ADGRV1: variants seen among roughly 807,000 people sequenced by gnomAD.
The protein encoded by ADGRV1 is adhesion G protein-coupled receptor V1, also known as G-protein coupled receptor 98.
In ADGRV1, 359 loss-of-function variants were observed where a neutral mutation model predicts 596.2. That is an observed-to-expected ratio of 0.60 (90% CI 0.55 to 0.66). ADGRV1 has a LOEUF of 0.66. Among genes scored for constraint, ADGRV1 ranks in the 30% least tolerant of loss-of-function variants. ADGRV1 has a pLI of 0.00. For synonymous variants in ADGRV1, 2,681 were observed against 2,679.2 expected, an observed-to-expected ratio of 1.00 and a Z score of -0.02; for missense variants, 7,274 against 7,575.6, an observed-to-expected ratio of 0.96 and a Z score of 1.48.
chr5:90,725,239 AC>A lies in ADGRV1; in HGVS notation c.10053+8del, dbSNP rs2149796279. The A allele has an allele frequency of 7.3e-7, 1 of 1,370,976 alleles. No homozygotes were observed. The allele number at this position is 1,370,976 out of a possible 1,614,324, so 84.9% of individuals were successfully genotyped here. A position where few individuals can be genotyped will look rare whatever the true frequency, so the allele number is the denominator to read the frequency against. On this transcript the variant is annotated splice_region_variant and intron_variant, in intron 47 of 89. Coordinates refer to ENST00000405460, the MANE Select transcript of ADGRV1 (RefSeq NM_032119.4). ...TGGATTTAAATTATTCCTGGTAAAAACATTTTCATTTTTAAATAGATTACTT... is the reference window on the plus strand; with the variant it reads ...TGGATTTAAATTATTCCTGGTAAAAAATTTTCATTTTTAAATAGATTACTT...
At chr5:91,042,140 C>G (rs1858070) in intron 85 of ADGRV1, among the ~76,000 whole-genome samples, 54,602 of 151,978 alleles carry the variant, frequency 0.36, 9,961 homozygotes, top group East Asian at 0.51. Context: ...AAAATCTCCC[C>G]AAGCCCTGCC....
chr5:90,935,263 T>C (rs752848038), intron 83 of ADGRV1, among the ~76,000 whole-genome samples: 1 of 152,226 alleles, frequency 6.6e-6, no homozygotes, highest in African/African-American at 2.4e-5. Context: ...GCTCTAATGT[T>C]TGTCAAAACA....
intron 84 of ADGRV1, among the ~76,000 whole-genome samples, chr5:90,976,346 A>ATG (rs1779611012): frequency 5.5e-5 from 8 of 144,646 alleles, no homozygotes; most frequent in Admixed American, 7.0e-5. Context: ...ATATATATAT[A>ATG]TATGTATATG....
chr5:90,563,225 G>A (rs1755091962), intron 1 of ADGRV1, among the ~76,000 whole-genome samples: 1 of 152,262 alleles, frequency 6.6e-6, no homozygotes, highest in South Asian at 2.1e-4. Context: ...TCTGTCTTCA[G>A]TTTTGCTGAA....
intron 52 of ADGRV1, among the ~76,000 whole-genome samples, chr5:90,750,058 G>A (rs767818170): frequency 1.6e-4 from 24 of 152,056 alleles, no homozygotes; most frequent in Admixed American, 2.6e-4. Flanking sequence ...TCATGACATC[G>A]TTGTGCATGG....
Position 90,971,972 on chromosome 5 carries a change from A to T in ADGRV1, c.17973+6441A>T, listed in dbSNP as rs568939911. The stretch of plus-strand genomic sequence containing the variant: ...CAGGAGACCCATCTCATGGGCAGAG[A>T]CACACATAGGCTAAAAATAAAGGGA... On this transcript the variant is annotated intron_variant, in intron 84 of 89. Transcript: ENST00000405460. 9.2e-5 allele frequency among the ~76,000 whole-genome samples: 14 copies of T among 152,316 alleles called. No homozygotes were observed. The South Asian group carries it at 1.9e-3, about 20-fold the overall frequency.
chr5:90,787,995 C>T, intron 67 of ADGRV1, 76 bp from the exon 68 acceptor site: 1 of 1,036,794 alleles, frequency 9.6e-7, no homozygotes, highest in Non-Finnish European at 1.3e-6. Context: ...TTTCTTAATA[C>T]TAGATACCCT....
At chr5:90,990,672 G>C (rs930745091) in intron 85 of ADGRV1, among the ~76,000 whole-genome samples, 8 of 152,128 alleles carry the variant, frequency 5.3e-5, no homozygotes, top group African/African-American at 1.2e-4. Context: ...TATATTTATC[G>C]CTTTTGAAAT....
chr5:90,591,402 A>AATAT (rs1554054367), intron 1 of ADGRV1, among the ~76,000 whole-genome samples: 2 of 151,644 alleles, frequency 1.3e-5, no homozygotes, highest in Admixed American at 1.3e-4. Flanking sequence ...TCTCAAAAAA[A>AATAT]ATATATATAT....
At chr5:90,661,968 C>T (rs1284339307) in intron 21 of ADGRV1, among the ~76,000 whole-genome samples, 3 of 152,218 alleles carry the variant, frequency 2.0e-5, no homozygotes. Flanking sequence ...ATGCTTATTA[C>T]TGGACATTAT....
intron 74 of ADGRV1, among the ~76,000 whole-genome samples, chr5:90,813,780 G>A (rs544998562): frequency 4.6e-5 from 7 of 151,942 alleles, no homozygotes; most frequent in South Asian, 2.1e-4. Context: ...TCACTTAACC[G>A]GATAATTAAT....
At chr5:91,135,906 G>A (rs547797718) in intron 87 of ADGRV1, among the ~76,000 whole-genome samples, 46 of 152,314 alleles carry the variant, frequency 3.0e-4, no homozygotes, top group African/African-American at 1.0e-3. Flanking sequence ...TCTCCACACC[G>A]TGGAGGAAGT....
chr5:91,005,160 A>G (rs896216227), intron 85 of ADGRV1, among the ~76,000 whole-genome samples: 3 of 152,160 alleles, frequency 2.0e-5, no homozygotes, highest in African/African-American at 7.2e-5. Context: ...AATGCTCAAA[A>G]AACTATTTGG....
chr5:90,958,596 G>A (rs546102327), intron 83 of ADGRV1, among the ~76,000 whole-genome samples: 64 of 152,226 alleles, frequency 4.2e-4, no homozygotes, highest in Admixed American at 7.8e-4. Context: ...GGTGTCTTCA[G>A]GGTTGACTTC....
rs762399659 is a variant in ADGRV1, at chr5:90,728,717, G to A, written c.10210G>A (p.Val3404Ile). The change falls in exon 49 of 90, where the codon GTC becomes ATC. Residue 3404 changes from valine to isoleucine, a missense_variant. Val to Ile is a conservative substitution (Grantham distance 29, BLOSUM62 3). Coordinates refer to ENST00000405460, the MANE Select transcript of ADGRV1 (RefSeq NM_032119.4). ...CTTCGTGTTGCATCAAAAACTCCCT[G>A]TCCGAGGTGTGCTGACCGTGGCCTT... is the stretch of plus-strand genomic sequence containing the variant. Reference protein sequence around the residue: ...GSFVLHQKLPVRGVLTVALFN... With the variant: ...GSFVLHQKLPIRGVLTVALFN... 3 of 1,613,764 alleles carry A rather than the reference G, an allele frequency of 1.9e-6. No homozygotes were observed. Among genetic ancestry groups the A allele is most frequent in the East Asian group, 4.5e-5 (2 of 44,874 alleles).
chr5:90,876,900 A>T (rs989446507), intron 83 of ADGRV1, among the ~76,000 whole-genome samples: 1 of 152,182 alleles, frequency 6.6e-6, no homozygotes, highest in African/African-American at 2.4e-5. Context: ...ATGTTATGTA[A>T]AATATAGTAA....
intron 85 of ADGRV1, among the ~76,000 whole-genome samples, chr5:91,040,999 C>A (rs1326469707): frequency 1.3e-5 from 2 of 152,232 alleles, no homozygotes; most frequent in Admixed American, 1.3e-4. Context: ...TGATTGAAAC[C>A]TAACTATGTT....
rs1179515357 is a variant in ADGRV1, at chr5:90,823,456, G to A, written c.16228G>A (p.Val5410Ile). Residue 5410 changes from valine to isoleucine, a missense_variant, in exon 76 of 90, where the codon GTC becomes ATC. Val to Ile is a conservative substitution (Grantham distance 29). This residue lies in a region of ADGRV1 where 1,874 missense variants were observed against 1,970.2 expected (regional missense o/e 0.95). Coordinates refer to ENST00000405460, the MANE Select transcript of ADGRV1 (RefSeq NM_032119.4). ...TGAAGATGTCAAGGTCTTTTGGCGA[G>A]TCACACTTAACAAAACAGTCGTCGT... ...AFEDVKVFWR[V>I]TLNKTVVVLQ... 1 of 1,613,726 alleles carries A rather than the reference G, an allele frequency of 6.2e-7. No homozygotes were observed. Among genetic ancestry groups the A allele is most frequent in the Non-Finnish European group, 8.5e-7 (1 of 1,179,856 alleles).
intron 85 of ADGRV1, among the ~76,000 whole-genome samples, chr5:90,992,164 T>TAGA (rs1409715248): frequency 4.3e-4 from 65 of 152,266 alleles, no homozygotes; most frequent in African/African-American, 1.5e-3. Context: ...ATCTAAGAGT[T>TAGA]AGATGTCTAG....
Sources: gnomAD v4.1 joint callset for allele counts (sites outside exome capture counted in the v4.1 genomes callset) on GRCh38, gnomAD v4.1.1 for gene constraint, gnomAD v4.1.1 regional missense constraint, MANE v1.5 for transcripts, NCBI Gene and HGNC (gene_info 2026-07-23, HGNC 2026-07-21) for gene names.